Variants in RAPGEF4 observed in about 807,000 individuals in gnomAD.
The protein encoded by RAPGEF4 is RAP guanine-nucleotide-exchange factor (GEF) 4.
Under a neutral mutation model 147.9 loss-of-function variants are expected in RAPGEF4, and 66 were observed. The ratio of observed to expected loss-of-function variants is 0.45; its 90% CI spans 0.37 to 0.55. The LOEUF is 0.55. RAPGEF4 is among the 20% of genes least tolerant of loss of function. RAPGEF4 has a pLI of 0.00. For missense variants in RAPGEF4, 1,071 were observed against 1,257.3 expected, an observed-to-expected ratio of 0.85 and a Z score of 2.24; for synonymous variants, 419 against 442.7, an observed-to-expected ratio of 0.95 and a Z score of 0.67.
Position 173,026,572 on chromosome 2 carries a change from A to C in RAPGEF4, c.2254A>C (p.Thr752Pro). 1.2e-6 allele frequency: 2 copies of C among 1,611,686 alleles called. No individual in the cohort carries two copies. Among genetic ancestry groups the C allele is most frequent in the Non-Finnish European group, 1.7e-6 (2 of 1,179,012 alleles). Residue 752 changes from threonine (T) to proline (P), a missense_variant and splice_region_variant, in exon 24 of 31, where the codon ACT becomes CCT. Thr to Pro is a conservative substitution (Grantham distance 38). Transcript: ENST00000397081. ...ACPREQFDSL[T>P]PLPEQEGPTV... ...TATGTTTTTGCATTATTATTCATAG[A>C]CTCCCTTACCAGAACAGGAAGGCCC...
intron 8 of RAPGEF4, 108 bp downstream of exon 8, chr2:172,961,336 A>G: frequency 3.6e-6 from 3 of 843,706 alleles, no homozygotes; most frequent in Non-Finnish European, 5.8e-6. Flanking sequence ...CCATTTTGTA[A>G]TGCCTTCAGG....
chr2:173,006,631 G>C (rs12473597), intron 17 of RAPGEF4, among the ~76,000 whole-genome samples: 1 of 152,072 alleles, frequency 6.6e-6, no homozygotes, highest in Admixed American at 6.5e-5. Context: ...TAGGGTCCCT[G>C]TCATAAAAAT....
rs900245239 is a variant in RAPGEF4 at position 172,760,963 on chromosome 2, A to G, written c.65+24915A>G. On this transcript the variant is annotated intron_variant, in intron 1 of 30. Coordinates refer to ENST00000397081, the MANE Select transcript of RAPGEF4 (RefSeq NM_007023.4). ...CCAAGACACATAACCAAACTACTGAAAACTAAACATAAAGAAAACATACTT... is the reference window on the plus strand; with the variant it reads ...CCAAGACACATAACCAAACTACTGAGAACTAAACATAAAGAAAACATACTT... Among the ~76,000 whole-genome samples, 14 of 152,196 alleles carry G rather than the reference A, an allele frequency of 9.2e-5. No homozygotes were observed. In the South Asian group the frequency reaches 1.0e-3, roughly 11 times the overall value.
chr2:172,985,370 C>T (rs1013619934), intron 11 of RAPGEF4, 63 bp from the exon 12 acceptor site: 2 of 1,610,664 alleles, frequency 1.2e-6, no homozygotes, highest in African/African-American at 2.7e-5. Context: ...AGAAAGAGTA[C>T]AACCCTTTTC....
intron 1 of RAPGEF4, among the ~76,000 whole-genome samples, chr2:172,754,451 A>C (rs978177792): frequency 6.6e-6 from 1 of 152,120 alleles, no homozygotes; most frequent in Non-Finnish European, 1.5e-5. Context: ...TAGAACTAAA[A>C]TTAGTTAATG....
At chr2:172,821,979 C>G (rs367716281) in intron 4 of RAPGEF4, 2 of 1,612,970 alleles carry the variant, frequency 1.2e-6, no homozygotes, top group Non-Finnish European at 1.7e-6. Context: ...TCTACAAGGT[C>G]AGAATGAATC....
At chr2:172,812,786 G>A (rs1412015342) in intron 3 of RAPGEF4, among the ~76,000 whole-genome samples, 3 of 152,222 alleles carry the variant, frequency 2.0e-5, no homozygotes, top group Non-Finnish European at 4.4e-5. Context: ...GAAGGGTTCA[G>A]GTGATAGAAA....
chr2:172,968,209 G>A (rs1009582186), intron 10 of RAPGEF4, among the ~76,000 whole-genome samples: 8 of 152,180 alleles, frequency 5.3e-5, no homozygotes, highest in Admixed American at 2.6e-4. Context: ...CCTTGCATCC[G>A]AAACCACCAC....
chr2:172,986,619 T>G (rs1353535610), intron 12 of RAPGEF4, among the ~76,000 whole-genome samples: 1 of 152,178 alleles, frequency 6.6e-6, no homozygotes, highest in Non-Finnish European at 1.5e-5. Flanking sequence ...AGTTAAATAT[T>G]TTAAACAAAA....
chr2:172,940,180 A>C (rs1687006444), intron 6 of RAPGEF4, among the ~76,000 whole-genome samples: 1 of 152,140 alleles, frequency 6.6e-6, no homozygotes, highest in Non-Finnish European at 1.5e-5. Context: ...GGAGAAGACC[A>C]CCGAGTTCTA....
At chr2:172,956,622 A>C (rs1031118806) in intron 6 of RAPGEF4, among the ~76,000 whole-genome samples, 18 of 151,954 alleles carry the variant, frequency 1.2e-4, no homozygotes, top group African/African-American at 4.3e-4. Flanking sequence ...GGTGCCCGCC[A>C]CCACGCCCGG....
intron 10 of RAPGEF4, among the ~76,000 whole-genome samples, chr2:172,979,571 A>G (rs1409973032): frequency 6.6e-6 from 1 of 152,244 alleles, no homozygotes. Context: ...TCTCAAATTC[A>G]GTTTCTGCTT....
intron 1 of RAPGEF4, among the ~76,000 whole-genome samples, chr2:172,765,543 G>A (rs1287499332): frequency 6.6e-6 from 1 of 152,162 alleles, no homozygotes. Context: ...CACACACAGA[G>A]GATCCAGATC....
At chr2:173,038,900 G>A (rs1229638314) in intron 29 of RAPGEF4, among the ~76,000 whole-genome samples, 1 of 152,156 alleles carries the variant, frequency 6.6e-6, no homozygotes, top group Non-Finnish European at 1.5e-5. Context: ...TGTCCCATCC[G>A]TAACCTGCAA....
intron 10 of RAPGEF4, among the ~76,000 whole-genome samples, chr2:172,975,608 G>T (rs1206841015): frequency 6.6e-6 from 1 of 152,164 alleles, no homozygotes; most frequent in African/African-American, 2.4e-5. Flanking sequence ...CCTCACTAGT[G>T]AATTTACTGA....
Position 172,965,576 on chromosome 2 carries a change from G to A in RAPGEF4, c.713G>A (p.Gly238Glu), listed in dbSNP as rs1207012193. 6.2e-7 allele frequency: 1 copy of A among 1,613,714 alleles called. No individual in the cohort carries two copies. Among genetic ancestry groups the A allele is most frequent in the South Asian group, 1.1e-5 (1 of 91,052 alleles). Residue 238 changes from glycine (G) to glutamate (E), a missense_variant, in exon 9 of 31, where the codon GGA becomes GAA. By Grantham distance (98) the Gly-to-Glu change is moderately conservative (BLOSUM62 -2). Transcript: ENST00000397081. ...HLKTYRQCCV[G>E]TELVDWMMQQ... Reference sequence around the variant, plus strand: ...CCTCTCCTTAGACAATGCTGTGTGGGAACTGAACTGGTGGACTGGATGATG... The same window carrying A: ...CCTCTCCTTAGACAATGCTGTGTGGAAACTGAACTGGTGGACTGGATGATG...
intron 4 of RAPGEF4, among the ~76,000 whole-genome samples, chr2:172,876,677 C>G (rs1695968239): frequency 1.3e-5 from 2 of 152,100 alleles, no homozygotes; most frequent in African/African-American, 4.8e-5. Context: ...ATTTTTGCAT[C>G]AATGTTCATC....
chr2:173,014,321 G>A (rs1002510582), intron 17 of RAPGEF4, 143 bp from the exon 18 acceptor site: 11 of 1,004,984 alleles, frequency 1.1e-5, no homozygotes, highest in Middle Eastern at 2.1e-4. Flanking sequence ...TTTCTGTGGG[G>A]TTTTTCATGA....
At chr2:172,757,428 A>G (rs373863360) in intron 1 of RAPGEF4, among the ~76,000 whole-genome samples, 4 of 152,170 alleles carry the variant, frequency 2.6e-5, no homozygotes, top group African/African-American at 9.7e-5. Flanking sequence ...AGATGCCCCC[A>G]GTGCTGTTTT....
Sources: allele counts gnomAD v4.1 joint callset (sites outside exome capture counted in the v4.1 genomes callset), GRCh38; gene constraint gnomAD v4.1.1; transcripts MANE v1.5; gene names NCBI Gene and HGNC (gene_info 2026-07-23, HGNC 2026-07-21).